The following COG5 variants were observed in gnomAD, a reference collection of about 807,000 sequenced individuals.
The protein encoded by COG5 is component of oligomeric golgi complex 5, also known as conserved oligomeric Golgi complex subunit 5.
COG5 carries 86 observed loss-of-function variants against 110.4 expected under a neutral mutation model. The ratio of observed to expected loss-of-function variants is 0.78; its 90% CI spans 0.65 to 0.93. COG5 has a LOEUF of 0.93. COG5 is among the 40% of genes least tolerant of loss of function. The probability of loss-of-function intolerance (pLI) is 0.00; values close to 1 mark genes in which losing one functional copy is unlikely to be tolerated. For synonymous variants in COG5, 360 were observed against 334.6 expected (o/e 1.08, Z -0.83); for missense variants, 1,077 against 987.0 (o/e 1.09, Z -1.22).
chr7:107,372,836 T>A, intron 7 of COG5, 76 bp from the exon 8 acceptor site: 1 of 1,416,152 alleles, frequency 7.1e-7, no homozygotes, highest in African/African-American at 1.4e-5. Flanking sequence ...TATACAACTT[T>A]AAGCAGGACT....
intron 5 of COG5, among the ~76,000 whole-genome samples, chr7:107,546,063 G>T (rs888135291): frequency 1.3e-5 from 2 of 151,852 alleles, no homozygotes; most frequent in African/African-American, 4.8e-5. Context: ...ATCAATAAAG[G>T]ATGGATTTCG....
intron 10 of COG5, among the ~76,000 whole-genome samples, chr7:107,339,269 G>A (rs1810981755): frequency 1.3e-5 from 2 of 151,968 alleles, no homozygotes; most frequent in Admixed American, 6.6e-5. Context: ...AGTAAAAAAC[G>A]ATAAAGAAAG....
At chr7:107,546,903 A>G (rs1168949669) in intron 5 of COG5, among the ~76,000 whole-genome samples, 6 of 152,162 alleles carry the variant, frequency 3.9e-5, no homozygotes, top group Non-Finnish European at 8.8e-5. Flanking sequence ...CTAACAAAGA[A>G]AAGCCCAGGA....
chr7:107,201,607 G>C lies in COG5; in HGVS notation c.*1909C>G. 3 of 457,074 alleles carry C rather than the reference G, an allele frequency of 6.6e-6. No homozygotes were observed. Among genetic ancestry groups the C allele is most frequent in the Non-Finnish European group, 8.0e-6 (2 of 250,394 alleles). 28.3% of individuals were successfully genotyped at this position (457,074 alleles called of 1,614,324 possible). ...GAGTGAGGATTTGCTTTCTCCATTA[G>C]AGCATTAAGCTAAAACTATCAACAT... On this transcript the variant is annotated 3_prime_UTR_variant, in exon 22 of 22. Transcript: ENST00000297135.
intron 5 of COG5, among the ~76,000 whole-genome samples, chr7:107,533,619 A>C (rs1801368055): frequency 6.6e-6 from 1 of 151,654 alleles, no homozygotes; most frequent in Non-Finnish European, 1.5e-5. Context: ...TCAGAGAAAA[A>C]AGAATGAAAA....
intron 12 of COG5, among the ~76,000 whole-genome samples, chr7:107,289,950 C>G (rs1366503326): frequency 6.6e-6 from 1 of 152,142 alleles, no homozygotes; most frequent in East Asian, 1.9e-4. Context: ...TCCTTTGTTC[C>G]CAAACAGCTG....
chr7:107,477,360 T>G (rs1797052793), intron 6 of COG5, among the ~76,000 whole-genome samples: 1 of 151,660 alleles, frequency 6.6e-6, no homozygotes, highest in African/African-American at 2.4e-5. Flanking sequence ...TAAGAAAAAC[T>G]CCCTTGTGTT....
chr7:107,235,627 C>T (rs532470133), intron 18 of COG5, among the ~76,000 whole-genome samples: 2 of 152,192 alleles, frequency 1.3e-5, no homozygotes, highest in Non-Finnish European at 1.5e-5. Context: ...CACTTGAACC[C>T]AGGAGGTGGA....
At position 107,474,537 on chromosome 7, in the gene COG5, G is replaced by C. The variant is rs769900824; in HGVS notation, c.538+52700C>G. On this transcript the variant is annotated intron_variant, in intron 6 of 21. Coordinates refer to ENST00000297135, the MANE Select transcript of COG5 (RefSeq NM_006348.5). This position sits in a 1 kb window ranked among gnomAD's most constrained non-coding sequence, Gnocchi z 5.7. ...TTCTGACAATGGGCAGAGCTGTAAT[G>C]TTAATGATATCCATTTGGATTTTTT... is the stretch of plus-strand genomic sequence containing the variant. The C allele has an allele frequency of 6.2e-7, 1 of 1,611,372 alleles. No individual in the cohort carries two copies. The highest frequency in any genetic ancestry group is 1.3e-5 in the African/African-American group (1 of 74,802).
At chr7:107,538,467 T>C (rs1349874498) in intron 5 of COG5, among the ~76,000 whole-genome samples, 1 of 152,154 alleles carries the variant, frequency 6.6e-6, no homozygotes, top group East Asian at 1.9e-4. Context: ...TCTCTTTCTT[T>C]CGCCTATTAA....
At chr7:107,528,650 G>C (rs761666016) in intron 5 of COG5, among the ~76,000 whole-genome samples, 5 of 152,150 alleles carry the variant, frequency 3.3e-5, no homozygotes, top group Non-Finnish European at 7.3e-5. Context: ...TGATTACAAA[G>C]GAAAGAGAGA....
intron 6 of COG5, among the ~76,000 whole-genome samples, chr7:107,436,679 A>C (rs1794390130): frequency 6.6e-6 from 1 of 152,254 alleles, no homozygotes; most frequent in South Asian, 2.1e-4. Flanking sequence ...TTGTAAATAA[A>C]AATTCATGAA....
rs1429625764 is a variant in COG5 at position 107,351,779 on chromosome 7, T to C, written c.1026+10254A>G. Reference sequence around the variant, plus strand: ...CAATGAGATACCATCTCACACCAGCTAGAATGGCGATCATTAAAAAGTCAG... The same window carrying C: ...CAATGAGATACCATCTCACACCAGCCAGAATGGCGATCATTAAAAAGTCAG... On this transcript the variant is annotated intron_variant, in intron 10 of 21. Transcript: ENST00000297135. Among the ~76,000 whole-genome samples the C allele has an allele frequency of 1.0e-4, 15 of 150,340 alleles. 1 individual carries two copies. In the East Asian group the frequency reaches 2.6e-3, roughly 26 times the overall value.
At chr7:107,377,659 C>T (rs1031488523) in intron 7 of COG5, among the ~76,000 whole-genome samples, 20 of 152,150 alleles carry the variant, frequency 1.3e-4, no homozygotes, top group African/African-American at 4.6e-4. Context: ...ATTATCTAAC[C>T]TCTTTAAGGC....
At chr7:107,303,410 C>T (rs1006149994) in intron 11 of COG5, among the ~76,000 whole-genome samples, 10 of 151,926 alleles carry the variant, frequency 6.6e-5, no homozygotes, top group African/African-American at 2.2e-4. Context: ...TAAATCTTGA[C>T]ACTAAGTTTT....
intron 7 of COG5, among the ~76,000 whole-genome samples, chr7:107,402,261 A>G (rs1458335888): frequency 6.6e-6 from 1 of 152,128 alleles, no homozygotes; most frequent in Non-Finnish European, 1.5e-5. Flanking sequence ...CAAGTTCATG[A>G]ATACTTAGTT....
intron 16 of COG5, among the ~76,000 whole-genome samples, chr7:107,249,013 G>A (rs536825054): frequency 1.3e-5 from 2 of 152,196 alleles, no homozygotes; most frequent in African/African-American, 2.4e-5. Context: ...ATGGGGATTT[G>A]TAGTATAGAT....
chr7:107,539,430 TAAG>T (rs1408054090), intron 5 of COG5, among the ~76,000 whole-genome samples: 1 of 152,178 alleles, frequency 6.6e-6, no homozygotes, highest in Non-Finnish European at 1.5e-5. Context: ...AACATTACAT[TAAG>T]AAGGCAAATA....
chr7:107,208,187 A>G (rs1483738908), intron 21 of COG5: 2 of 985,288 alleles, frequency 2.0e-6, no homozygotes, highest in African/African-American at 3.5e-5. Flanking sequence ...ACCCTGAAGG[A>G]CAGCTCAATT....
Sources: allele counts gnomAD v4.1 joint callset (sites outside exome capture counted in the v4.1 genomes callset), GRCh38; gene constraint gnomAD v4.1.1; non-coding constraint Gnocchi (gnomAD v3.1); transcripts MANE v1.5; gene names NCBI Gene and HGNC (gene_info 2026-07-23, HGNC 2026-07-21).